The following DTD1 variants were observed in gnomAD, a reference collection of about 807,000 sequenced individuals.
The protein encoded by DTD1 is D-tyrosyl-tRNA deacylase 1 homolog.
A neutral mutation model predicts 25.6 loss-of-function variants in DTD1; 13 were observed. The observed-to-expected ratio is 0.51, with a 90% CI of 0.33 to 0.81. The LOEUF is 0.81. DTD1 is among the 30% of genes least tolerant of loss of function. DTD1 has a pLI of 0.02. For missense variants in DTD1, 193 were observed against 266.4 expected, an observed-to-expected ratio of 0.72 and a Z score of 1.92; for synonymous variants, 110 against 103.6, an observed-to-expected ratio of 1.06 and a Z score of -0.37.
chr20:18,697,223 CT>C (rs2061081389), intron 4 of DTD1, among the ~76,000 whole-genome samples: 1 of 150,312 alleles, frequency 6.7e-6, no homozygotes, highest in Non-Finnish European at 1.5e-5. Context: ...CAGAGTGAGA[CT>C]CTGTCTCAAA....
intron 4 of DTD1, among the ~76,000 whole-genome samples, chr20:18,672,448 T>C (rs1016144495): frequency 2.7e-5 from 4 of 146,214 alleles, no homozygotes; most frequent in African/African-American, 9.9e-5. Flanking sequence ...CTTTTTTCAG[T>C]TTTTTTTTTT....
chr20:18,719,119 C>A (rs1472590516), intron 4 of DTD1, among the ~76,000 whole-genome samples: 2 of 152,218 alleles, frequency 1.3e-5, no homozygotes, highest in East Asian at 3.8e-4. Context: ...CAGGATATAA[C>A]CTCATCCTAA....
chr20:18,761,300 G>A (rs1033911793), intron 5 of DTD1, among the ~76,000 whole-genome samples: 5 of 152,162 alleles, frequency 3.3e-5, no homozygotes, highest in South Asian at 2.1e-4. Flanking sequence ...GAAATCATTC[G>A]TCTTCTGCGT....
At chr20:18,748,968 A>G (rs899786136) in intron 5 of DTD1, among the ~76,000 whole-genome samples, 2 of 152,158 alleles carry the variant, frequency 1.3e-5, no homozygotes, top group Non-Finnish European at 2.9e-5. Flanking sequence ...CTATAAGTCA[A>G]GTTCACTGCA....
chr20:18,653,179 A>C (rs2060880127), intron 4 of DTD1, among the ~76,000 whole-genome samples: 1 of 152,166 alleles, frequency 6.6e-6, no homozygotes. Flanking sequence ...AGGTGGGCAT[A>C]TTGCTTGAGC....
intron 5 of DTD1, among the ~76,000 whole-genome samples, chr20:18,753,700 C>T (rs2061329248): frequency 6.6e-6 from 1 of 151,152 alleles, no homozygotes; most frequent in Non-Finnish European, 1.5e-5. Context: ...AAAATAAAAG[C>T]CAATTGCTGT....
chr20:18,765,861 G>A lies in DTD1; in HGVS notation c.*2521G>A, dbSNP rs1220787023. ...TTGTCCATTAAAACATCATTTGAAT[G>A]AGGATGGGAGAGGAGAATCGTACCA... On this transcript the variant is annotated 3_prime_UTR_variant, in exon 6 of 6. Transcript: ENST00000377452. 1 of 152,190 alleles carries A rather than the reference G, an allele frequency of 6.6e-6. No homozygotes were observed. The highest frequency in any genetic ancestry group is 2.4e-5 in the African/African-American group (1 of 41,450). The allele number at this position is 152,190 out of a possible 1,614,324, so 9.4% of individuals were successfully genotyped here.
intron 4 of DTD1, among the ~76,000 whole-genome samples, chr20:18,720,063 A>C (rs1164038179): frequency 3.9e-5 from 6 of 152,206 alleles, no homozygotes; most frequent in African/African-American, 1.4e-4. Context: ...AACTGTTTGG[A>C]TGTATTTCTT....
chr20:18,721,648 T>C (rs1275285496), intron 4 of DTD1, among the ~76,000 whole-genome samples: 1 of 152,238 alleles, frequency 6.6e-6, no homozygotes, highest in Non-Finnish European at 1.5e-5. Context: ...GTTCTTTGAA[T>C]GTTGGTAGAC....
chr20:18,628,000 C>G (rs958483131), intron 3 of DTD1, 127 bp from the exon 4 acceptor site: 1 of 770,296 alleles, frequency 1.3e-6, no homozygotes, highest in Non-Finnish European at 2.1e-6. Context: ...AAACCTCTTT[C>G]TTTTGTAAGT....
chr20:18,669,698 G>A (rs542174287), intron 4 of DTD1, among the ~76,000 whole-genome samples: 6 of 152,168 alleles, frequency 3.9e-5, no homozygotes, highest in African/African-American at 1.4e-4. Flanking sequence ...TTTCCATTTT[G>A]TGTGTGTGTG....
intron 4 of DTD1, among the ~76,000 whole-genome samples, chr20:18,645,408 A>C (rs1331923763): frequency 1.3e-5 from 2 of 152,226 alleles, no homozygotes; most frequent in Non-Finnish European, 2.9e-5. Flanking sequence ...AAGCAGAGGC[A>C]TGTGGCCAGT....
chr20:18,748,456 T>C (rs1199531224), intron 5 of DTD1, among the ~76,000 whole-genome samples: 2 of 152,236 alleles, frequency 1.3e-5, no homozygotes, highest in African/African-American at 4.8e-5. Flanking sequence ...GCTTTAGATT[T>C]GGCCTCAGAG....
chr20:18,591,526 G>A (rs1309696717), intron 1 of DTD1, among the ~76,000 whole-genome samples: 7 of 152,026 alleles, frequency 4.6e-5, no homozygotes, highest in African/African-American at 7.2e-5. Context: ...TATATGCAAT[G>A]TTATTATAGT....
At chr20:18,616,842 T>C (rs539159175) in intron 3 of DTD1, among the ~76,000 whole-genome samples, 9 of 152,284 alleles carry the variant, frequency 5.9e-5, no homozygotes, top group Non-Finnish European at 1.3e-4. Flanking sequence ...GTCAGTGGTA[T>C]GGTGGGGTTT....
intron 4 of DTD1, among the ~76,000 whole-genome samples, chr20:18,661,879 C>T (rs1278867359): frequency 3.9e-5 from 6 of 152,182 alleles, no homozygotes; most frequent in Non-Finnish European, 5.9e-5. Context: ...AGACCAGGCA[C>T]AGTGGCTCAT....
rs117471792 is a variant in DTD1 at position 18,707,165 on chromosome 20, G to A, written c.478-36935G>A. ...GAGATGCAGCGTTCAGACGACTCCC[G>A]TTTCCTTAGCTCCCTTAGACATGGT... On this transcript the variant is annotated intron_variant, in intron 4 of 5. Transcript: ENST00000377452. Among the ~76,000 whole-genome samples the A allele has an allele frequency of 2.5e-3, 375 of 152,274 alleles. 7 individuals are homozygous for A. Among genetic ancestry groups the A allele is most frequent in the Admixed American group, 0.02 (305 of 15,298 alleles).
chr20:18,700,673 C>T (rs2061101169), intron 4 of DTD1, among the ~76,000 whole-genome samples: 1 of 152,094 alleles, frequency 6.6e-6, no homozygotes, highest in Non-Finnish European at 1.5e-5. Flanking sequence ...CTTCCACACC[C>T]ACAGTGACCC....
At chr20:18,752,292 C>G (rs573933915) in intron 5 of DTD1, among the ~76,000 whole-genome samples, 46 of 152,144 alleles carry the variant, frequency 3.0e-4, no homozygotes, top group Middle Eastern at 3.4e-3. Flanking sequence ...TCTCTGTTCT[C>G]TCTTCTCCTT....
Sources: gnomAD v4.1 joint callset for allele counts (sites outside exome capture counted in the v4.1 genomes callset) on GRCh38, gnomAD v4.1.1 for gene constraint, MANE v1.5 for transcripts, NCBI Gene and HGNC (gene_info 2026-07-23, HGNC 2026-07-21) for gene names.